Variants in DOK5 observed in about 807,000 individuals in gnomAD.
The protein encoded by DOK5 is docking protein 5.
In DOK5, 27 loss-of-function variants were observed where a neutral mutation model predicts 43.3. The ratio of observed to expected loss-of-function variants is 0.62; its 90% CI spans 0.46 to 0.86. DOK5 has a LOEUF of 0.86. DOK5 is among the 40% of genes least tolerant of loss of function. The probability of loss-of-function intolerance (pLI) is 0.00; values close to 1 mark genes in which losing one functional copy is unlikely to be tolerated. For missense variants in DOK5, 373 were observed against 392.9 expected, an observed-to-expected ratio of 0.95 and a Z score of 0.43; for synonymous variants, 146 against 140.1, an observed-to-expected ratio of 1.04 and a Z score of -0.30.
chr20:54,595,727 T>G (rs184164074), intron 5 of DOK5, among the ~76,000 whole-genome samples: 1 of 152,356 alleles, frequency 6.6e-6, no homozygotes, highest in East Asian at 1.9e-4. Flanking sequence ...GCAGGGCTGG[T>G]GCAAACTTGA....
intron 1 of DOK5, among the ~76,000 whole-genome samples, chr20:54,491,880 A>AT (rs1982189761): frequency 6.6e-6 from 1 of 152,176 alleles, no homozygotes; most frequent in Non-Finnish European, 1.5e-5. Flanking sequence ...GTGATCTCAT[A>AT]TTAGAAAAAG....
rs185736509 is a variant in DOK5 at position 54,491,961 on chromosome 20, A to G, written c.66+15949A>G. 8.9e-4 allele frequency among the ~76,000 whole-genome samples: 135 copies of G among 152,294 alleles called. 1 individual carries two copies. In the Middle Eastern group the frequency reaches 0.017, roughly 19 times the overall value. On this transcript the variant is annotated intron_variant, in intron 1 of 7. Transcript: ENST00000262593. ...GAGAAAAAGAGAGAGAAAGTGAAAG[A>G]AAGAGAAAAAGAAAGAAAGACAAAG... is the stretch of plus-strand genomic sequence containing the variant.
At chr20:54,553,896 C>CAAA (rs761243905) in intron 1 of DOK5, among the ~76,000 whole-genome samples, 4,004 of 80,044 alleles carry the variant, frequency 0.05, 269 homozygotes, top group African/African-American at 0.13. Context: ...GACTCTGTCT[C>CAAA]AAAAAAAAAA....
chr20:54,588,461 A>G (rs750891282), intron 2 of DOK5, 22 bp from the exon 3 acceptor site: 1 of 1,605,050 alleles, frequency 6.2e-7, no homozygotes, highest in African/African-American at 1.3e-5. Context: ...AGTGTGTCAA[A>G]CTTCTAATTG....
At position 54,504,580 on chromosome 20, in the gene DOK5, G is replaced by A. The variant is rs377020861; in HGVS notation, c.66+28568G>A. Among the ~76,000 whole-genome samples, 4 of 152,140 alleles carry A rather than the reference G, an allele frequency of 2.6e-5. No homozygotes were observed. In the East Asian group the frequency reaches 7.7e-4, roughly 29 times the overall value. On this transcript the variant is annotated intron_variant, in intron 1 of 7. Coordinates refer to ENST00000262593, the MANE Select transcript of DOK5 (RefSeq NM_018431.5). ...GCCATTTGTTGCCTCTCCCAATACA[G>A]TTTCTTCTTCTCTCTCAGTTGAAGG...
At chr20:54,485,339 G>A (rs1981889267) in intron 1 of DOK5, among the ~76,000 whole-genome samples, 1 of 141,842 alleles carries the variant, frequency 7.1e-6, no homozygotes. Flanking sequence ...GGTGACAAGA[G>A]TAAGACTCCG....
intron 5 of DOK5, among the ~76,000 whole-genome samples, chr20:54,598,944 A>C (rs1358173864): frequency 6.6e-6 from 1 of 152,228 alleles, no homozygotes; most frequent in Non-Finnish European, 1.5e-5. Context: ...CAAGAAAAAA[A>C]CTGTTTACTC....
chr20:54,549,068 C>T (rs566555248), intron 1 of DOK5, among the ~76,000 whole-genome samples: 29 of 152,284 alleles, frequency 1.9e-4, no homozygotes, highest in African/African-American at 7.0e-4. Flanking sequence ...CTCAGATGCC[C>T]GCATCGGGAA....
intron 4 of DOK5, among the ~76,000 whole-genome samples, chr20:54,589,502 T>G (rs919119131): frequency 3.9e-5 from 6 of 152,222 alleles, no homozygotes; most frequent in African/African-American, 7.2e-5. Flanking sequence ...TCATGAACAC[T>G]TCAGCAAAAA....
chr20:54,537,606 C>T (rs114529183), intron 1 of DOK5, among the ~76,000 whole-genome samples: 1,634 of 152,046 alleles, frequency 0.011, 36 homozygotes, highest in African/African-American at 0.037. Context: ...CAAAATAGAC[C>T]GATAGTAATC....
Position 54,492,686 on chromosome 20 carries a change from TTGTGTGTG to T in DOK5, c.66+16704_66+16711del, listed in dbSNP as rs34741362. Among the ~76,000 whole-genome samples the T allele has an allele frequency of 6.0e-4, 85 of 141,180 alleles. 1 individual carries two copies. Among genetic ancestry groups the T allele is most frequent in the East Asian group, 3.3e-3 (16 of 4,786 alleles). 92.6% of individuals were successfully genotyped at this position (141,180 alleles called of 152,430 possible). ...AAAGAGTGCTTGTAAGAGTGTGGCT[TTGTGTGTG>T]TGTGTGTGTGTGTGTGTGTGTGTGT... On this transcript the variant is annotated intron_variant, in intron 1 of 7. Coordinates refer to ENST00000262593, the MANE Select transcript of DOK5 (RefSeq NM_018431.5).
chr20:54,551,285 C>T (rs1984521628), intron 1 of DOK5, among the ~76,000 whole-genome samples: 1 of 152,122 alleles, frequency 6.6e-6, no homozygotes, highest in Non-Finnish European at 1.5e-5. Flanking sequence ...GGGTTCTTTG[C>T]CTATTCTAGA....
At chr20:54,518,008 C>T (rs1322507696) in intron 1 of DOK5, among the ~76,000 whole-genome samples, 6 of 152,262 alleles carry the variant, frequency 3.9e-5, no homozygotes, top group Non-Finnish European at 8.8e-5. Flanking sequence ...TGGACTCAGC[C>T]TTACAGTTAT....
At chr20:54,533,960 ATAATTATC>A (rs1269538605) in intron 1 of DOK5, among the ~76,000 whole-genome samples, 2 of 152,306 alleles carry the variant, frequency 1.3e-5, no homozygotes, top group East Asian at 3.9e-4. Context: ...AACTTATTTG[ATAATTATC>A]TAATTTTTGA....
At chr20:54,584,616 G>A (rs1355858835) in intron 2 of DOK5, among the ~76,000 whole-genome samples, 1 of 150,086 alleles carries the variant, frequency 6.7e-6, no homozygotes, top group Admixed American at 6.7e-5. Context: ...TAATGTTATA[G>A]TACTATAATA....
intron 6 of DOK5, among the ~76,000 whole-genome samples, chr20:54,640,573 C>T (rs1285867816): frequency 6.6e-6 from 1 of 152,168 alleles, no homozygotes; most frequent in Non-Finnish European, 1.5e-5. Context: ...AGATGTTTTT[C>T]CAAAGGGTTG....
chr20:54,632,082 T>C (rs1222024302), intron 6 of DOK5, among the ~76,000 whole-genome samples: 1 of 152,162 alleles, frequency 6.6e-6, no homozygotes, highest in East Asian at 1.9e-4. Flanking sequence ...GACCCAAAGA[T>C]AGAGCTGTCT....
intron 2 of DOK5, among the ~76,000 whole-genome samples, chr20:54,578,566 G>A (rs1025451434): frequency 1.3e-5 from 2 of 152,112 alleles, no homozygotes; most frequent in African/African-American, 2.4e-5. Flanking sequence ...CAGAAAGATC[G>A]TGTGCAAGGA....
chr20:54,512,349 T>G (rs1419158048), intron 1 of DOK5, among the ~76,000 whole-genome samples: 2 of 152,254 alleles, frequency 1.3e-5, no homozygotes, highest in Non-Finnish European at 2.9e-5. Context: ...ATACATTGTT[T>G]ATACTCAGAC....
Sources: allele counts gnomAD v4.1 joint callset (sites outside exome capture counted in the v4.1 genomes callset), GRCh38; gene constraint gnomAD v4.1.1; transcripts MANE v1.5; gene names NCBI Gene and HGNC (gene_info 2026-07-23, HGNC 2026-07-21).